The following SLA variants were observed in gnomAD, a reference collection of about 807,000 sequenced individuals.
SLA encodes the protein src-like-adapter.
Under a neutral mutation model 30.3 loss-of-function variants are expected in SLA, and 16 were observed. The observed-to-expected ratio is 0.53, with a 90% confidence interval of 0.36 to 0.80. SLA has a LOEUF of 0.80. Ranked by LOEUF, SLA falls within the 30% of genes least tolerant of loss-of-function variation. The probability of loss-of-function intolerance (pLI) is 0.01; values close to 1 mark genes in which losing one functional copy is unlikely to be tolerated. For missense variants in SLA, 310 were observed against 345.2 expected (o/e 0.90, Z 0.81); for synonymous variants, 143 against 137.8 (o/e 1.04, Z -0.26).
chr8:133,060,235 G>T (rs771080149), intron 2 of SLA, 35 bp from the exon 3 acceptor site: 48 of 1,612,632 alleles, frequency 3.0e-5, no homozygotes, highest in Non-Finnish European at 3.6e-5. Context: ...AAAGTCAACC[G>T]TGCCCTGAGC....
In SLA at chr8:133,050,933, AG is replaced by A. The variant is rs753349578; in HGVS notation, c.62-19del. The stretch of plus-strand genomic sequence containing the variant: ...ATCCAGTCCTGGGGAAACAAAGGCA[AG>A]GGGGAAGGGGGCAAGGTGCTTTTTA... On this transcript the variant is annotated intron_variant, in intron 3 of 8. Transcript: ENST00000338087. 3 of 1,458,056 alleles carry A rather than the reference AG, an allele frequency of 2.1e-6. No individual in the cohort carries two copies. The highest frequency in any genetic ancestry group is 1.4e-5 in the African/African-American group (1 of 71,890). The allele number at this position is 1,458,056 out of a possible 1,614,324, so 90.3% of individuals were successfully genotyped here.
At position 133,074,926 on chromosome 8, in the gene SLA, C is replaced by A. The variant is rs139888054; in HGVS notation, c.-114G>T. ...GCTGGGTGCAGAGTCACTGCCTCTC[C>A]GTCTGTCAACTGCTGCTGCTCCAGA... On this transcript the variant is annotated 5_prime_UTR_variant, in exon 2 of 9. Transcript: ENST00000338087. 8 of 985,420 alleles carry A rather than the reference C, an allele frequency of 8.1e-6. No homozygotes were observed. Among genetic ancestry groups the A allele is most frequent in the Middle Eastern group, 5.2e-4 (1 of 1,936 alleles). 61.0% of individuals were successfully genotyped at this position (985,420 alleles called of 1,614,324 possible).
intron 2 of SLA, chr8:133,060,495 A>T: frequency 1.2e-6 from 1 of 834,476 alleles, no homozygotes. Context: ...CAGCCACAGC[A>T]GGGTTTGTGT....
intron 2 of SLA, among the ~76,000 whole-genome samples, chr8:133,070,976 TG>T (rs1843918327): frequency 1.3e-5 from 2 of 152,378 alleles, no homozygotes; most frequent in Admixed American, 6.5e-5. Flanking sequence ...CTGCACTTTC[TG>T]TCTTTAGAAC....
In SLA at chr8:133,039,980, TA is replaced by T; in HGVS notation, c.617+17del. On this transcript the variant is annotated intron_variant, in intron 8 of 8. Coordinates refer to ENST00000338087, the MANE Select transcript of SLA (RefSeq NM_001045556.3). Reference sequence around the variant, plus strand: ...ACACACACACACACACACACACACATACACACACCATACTCACCTGGACACT... The same window carrying T: ...ACACACACACACACACACACACACATCACACACCATACTCACCTGGACACT... 1 of 796,814 alleles carries T rather than the reference TA, an allele frequency of 1.3e-6. No homozygotes were observed. Among genetic ancestry groups the T allele is most frequent in the East Asian group, 9.5e-5 (1 of 10,538 alleles). The allele number at this position is 796,814 out of a possible 1,614,324, so 49.4% of individuals were successfully genotyped here. A position where few individuals can be genotyped will look rare whatever the true frequency, so the allele number is the denominator to read the frequency against.
At chr8:133,086,525 T>G (rs930299620) in intron 1 of SLA, among the ~76,000 whole-genome samples, 2 of 152,230 alleles carry the variant, frequency 1.3e-5, no homozygotes, top group Admixed American at 1.3e-4. Flanking sequence ...ACAACTCATT[T>G]AATACATTTT....
intron 3 of SLA, among the ~76,000 whole-genome samples, chr8:133,054,100 GAA>G (rs1362305876): frequency 6.6e-6 from 1 of 152,122 alleles, no homozygotes; most frequent in Non-Finnish European, 1.5e-5. Context: ...GGTTGCTACA[GAA>G]AAATAAATGC....
chr8:133,067,885 AGTATGTAT>A (rs58040192), intron 2 of SLA, among the ~76,000 whole-genome samples: 41,792 of 131,340 alleles, frequency 0.32, 6,700 homozygotes, highest in East Asian at 0.43. Flanking sequence ...GAAGGAAGGA[AGTATGTAT>A]GGAAGGAAGG....
intron 3 of SLA, among the ~76,000 whole-genome samples, chr8:133,057,752 C>T (rs1841705454): frequency 1.4e-5 from 2 of 146,722 alleles, no homozygotes; most frequent in African/African-American, 2.5e-5. Flanking sequence ...TTCTGGAAAT[C>T]TTAGTTTAGC....
chr8:133,091,138 A>T (rs1847447984), intron 1 of SLA, among the ~76,000 whole-genome samples: 1 of 152,258 alleles, frequency 6.6e-6, no homozygotes, highest in Non-Finnish European at 1.5e-5. Flanking sequence ...GGCACACAGG[A>T]TGTGCTACTT....
At chr8:133,077,701 T>C (rs1845106976) in intron 1 of SLA, among the ~76,000 whole-genome samples, 1 of 151,970 alleles carries the variant, frequency 6.6e-6, no homozygotes, top group African/African-American at 2.4e-5. Flanking sequence ...CTCAGCACTT[T>C]GGACATTTTG....
chr8:133,080,308 ACT>A (rs1242866719), intron 1 of SLA, among the ~76,000 whole-genome samples: 14 of 152,078 alleles, frequency 9.2e-5, no homozygotes, highest in Non-Finnish European at 8.8e-5. Context: ...CTTTCCACTC[ACT>A]CTATGTATCT....
At chr8:133,050,441 A>G (rs778841860) in intron 4 of SLA, 5 of 243,692 alleles carry the variant, frequency 2.1e-5, no homozygotes, top group Non-Finnish European at 4.0e-5. Flanking sequence ...GAGAAGGCAA[A>G]TTTTTGTTTT....
intron 7 of SLA, among the ~76,000 whole-genome samples, chr8:133,042,792 C>T (rs2131114914): frequency 7.0e-6 from 1 of 142,550 alleles, no homozygotes; most frequent in South Asian, 2.3e-4. Flanking sequence ...CTCCTGGGTT[C>T]AAGTGATTCC....
intron 2 of SLA, among the ~76,000 whole-genome samples, chr8:133,060,994 G>A (rs918238871): frequency 2.8e-4 from 43 of 151,198 alleles, no homozygotes; most frequent in African/African-American, 1.0e-3. Flanking sequence ...AGATGACTTC[G>A]GGCAAGTCAT....
At position 133,060,461 on chromosome 8, in the gene SLA, C is replaced by T. The variant is rs764660352; in HGVS notation, c.-40-261G>A. 5.0e-5 allele frequency: 57 copies of T among 1,142,304 alleles called. No homozygotes were observed. In the African/African-American group the frequency reaches 5.1e-4, roughly 10 times the overall value. 70.8% of individuals were successfully genotyped at this position (1,142,304 alleles called of 1,614,324 possible). On this transcript the variant is annotated intron_variant, in intron 2 of 8. Transcript: ENST00000338087. ...TTGGTGGCAAAAGTTTCCATTCCTC[C>T]GCACCCTTGCTGAGGATGGTAAGCA...
intron 1 of SLA, among the ~76,000 whole-genome samples, chr8:133,075,469 G>A (rs1844725938): frequency 1.3e-5 from 2 of 152,210 alleles, no homozygotes; most frequent in Admixed American, 1.3e-4. Flanking sequence ...AAACTAGAAA[G>A]AACATTATGA....
At chr8:133,061,159 C>T (rs776414091) in intron 2 of SLA, among the ~76,000 whole-genome samples, 4 of 152,194 alleles carry the variant, frequency 2.6e-5, no homozygotes, top group Non-Finnish European at 1.5e-5. Context: ...TACAGGCACA[C>T]ATGCCACACC....
intron 6 of SLA, 37 bp downstream of exon 6, chr8:133,047,793 G>T (rs1483456905): frequency 2.6e-6 from 3 of 1,142,236 alleles, no homozygotes; most frequent in Admixed American, 1.7e-5. Flanking sequence ...ATGCTTGTCT[G>T]CCCCGGATGG....
Sources: allele counts gnomAD v4.1 joint callset (sites outside exome capture counted in the v4.1 genomes callset), GRCh38; gene constraint gnomAD v4.1.1; transcripts MANE v1.5; gene names NCBI Gene and HGNC (gene_info 2026-07-23, HGNC 2026-07-21).